PRKG1: variants seen among roughly 807,000 people sequenced by gnomAD.
The protein encoded by PRKG1 is cGMP-dependent protein kinase 1.
In PRKG1, 35 loss-of-function variants were observed where a neutral mutation model predicts 88.1. The observed-to-expected ratio is 0.40, with a 90% CI of 0.30 to 0.53. PRKG1 has a LOEUF of 0.53. PRKG1 is among the 20% of genes least tolerant of loss of function. The pLI, the probability that PRKG1 is intolerant of heterozygous loss-of-function variation, is 0.59. For missense variants in PRKG1, 540 were observed against 839.8 expected, an observed-to-expected ratio of 0.64 and a Z score of 4.41; for synonymous variants, 303 against 292.5, an observed-to-expected ratio of 1.04 and a Z score of -0.37.
At chr10:51,743,685 A>T (rs1837496312) in intron 3 of PRKG1, among the ~76,000 whole-genome samples, 1 of 129,854 alleles carries the variant, frequency 7.7e-6, no homozygotes, top group African/African-American at 3.0e-5. Flanking sequence ...TATATATATA[A>T]TTTATTATAT....
At chr10:51,945,373 G>A (rs1843002807) in intron 5 of PRKG1, among the ~76,000 whole-genome samples, 1 of 151,452 alleles carries the variant, frequency 6.6e-6, no homozygotes, top group Admixed American at 6.6e-5. Flanking sequence ...TGAGTTTCCT[G>A]AATACAGCAC....
intron 2 of PRKG1, among the ~76,000 whole-genome samples, chr10:51,403,012 A>T (rs1837796226): frequency 6.6e-6 from 1 of 152,206 alleles, no homozygotes; most frequent in African/African-American, 2.4e-5. Flanking sequence ...TTTGTCATGG[A>T]ATAGCACATT....
rs1433048297 is a variant in PRKG1, at chr10:51,205,127, C to CTTTCTTTTTTTTTTTTTTTTTTTTT, written c.478+51800_478+51801insCTTTTTTTTTTTTTTTTTTTTTTTT. 3.9e-3 allele frequency among the ~76,000 whole-genome samples: 247 copies of CTTTCTTTTTTTTTTTTTTTTTTTTT among 64,028 alleles called. 68 individuals are homozygous for CTTTCTTTTTTTTTTTTTTTTTTTTT. The highest frequency in any genetic ancestry group is 0.02 in the Middle Eastern group (2 of 100). The allele number at this position is 64,028 out of a possible 152,430, so 42.0% of individuals were successfully genotyped here. On this transcript the variant is annotated intron_variant, in intron 2 of 17. Coordinates refer to ENST00000373980, the MANE Select transcript of PRKG1 (RefSeq NM_006258.4). The stretch of plus-strand genomic sequence containing the variant: ...TAAGGAAGAATTTTCATTTTCTTTT[C>CTTTCTTTTTTTTTTTTTTTTTTTTT]TTTTTTTTTTTTTTTTTTTTTTTTT...
chr10:51,413,334 T>A (rs1281453226), intron 2 of PRKG1, among the ~76,000 whole-genome samples: 1 of 147,018 alleles, frequency 6.8e-6, no homozygotes, highest in South Asian at 2.3e-4. Context: ...CACCTTCTCT[T>A]AAAAAAAATG....
rs928092355 is a variant in PRKG1, at chr10:51,441,272, C to T, written c.479-26451C>T. On this transcript the variant is annotated intron_variant, in intron 2 of 17. Transcript: ENST00000373980. ...GTTTAGTCAGTTTTGCTCTTGTTCT[C>T]TCTGATAGGTGTATTGTGAACTTAT... is the stretch of plus-strand genomic sequence containing the variant. Among the ~76,000 whole-genome samples the T allele has an allele frequency of 2.6e-5, 4 of 152,056 alleles. No individual in the cohort carries two copies. In the East Asian group the frequency reaches 5.8e-4, roughly 22 times the overall value.
chr10:51,389,488 C>T (rs1837342199), intron 2 of PRKG1, among the ~76,000 whole-genome samples: 1 of 152,118 alleles, frequency 6.6e-6, no homozygotes. Flanking sequence ...CATGCCGCCA[C>T]AGCTGTACAG....
At chr10:51,338,286 G>A (rs114456886) in intron 2 of PRKG1, among the ~76,000 whole-genome samples, 3,355 of 152,244 alleles carry the variant, frequency 0.022, 39 homozygotes, top group Middle Eastern at 0.058. Context: ...GTGATGGGTT[G>A]ATGAAAATGA....
chr10:51,744,439 A>G (rs901097422), intron 3 of PRKG1, among the ~76,000 whole-genome samples: 1 of 152,158 alleles, frequency 6.6e-6, no homozygotes, highest in Non-Finnish European at 1.5e-5. Flanking sequence ...GAGGCTGAAG[A>G]GAGGAACCAC....
intron 3 of PRKG1, among the ~76,000 whole-genome samples, chr10:51,766,103 CA>C (rs1243848585): frequency 2.6e-5 from 4 of 151,620 alleles, no homozygotes; most frequent in African/African-American, 9.7e-5. Context: ...GTCTCATGGC[CA>C]AAAAAATTAA....
At chr10:51,076,399 CCTGA>C (rs1248357573) in intron 1 of PRKG1, among the ~76,000 whole-genome samples, 1 of 152,172 alleles carries the variant, frequency 6.6e-6, no homozygotes, top group Non-Finnish European at 1.5e-5. Context: ...TCCTGACATG[CCTGA>C]CTGTTTTAGC....
intron 7 of PRKG1, among the ~76,000 whole-genome samples, chr10:52,132,350 AT>A (rs143568912): frequency 0.33 from 50,406 of 151,928 alleles, 8,686 homozygotes; most frequent in African/African-American, 0.42. Context: ...TTTCTCAAAA[AT>A]AATAAATGCT....
chr10:51,426,637 A>G (rs1325895270), intron 2 of PRKG1, among the ~76,000 whole-genome samples: 2 of 152,154 alleles, frequency 1.3e-5, no homozygotes, highest in Non-Finnish European at 2.9e-5. Context: ...ACAAAAATAG[A>G]TGCAGAATAC....
intron 1 of PRKG1, among the ~76,000 whole-genome samples, chr10:51,116,100 C>T (rs190215271): frequency 7.2e-5 from 11 of 152,096 alleles, no homozygotes; most frequent in Admixed American, 2.6e-4. Flanking sequence ...CTCTGCCAGT[C>T]GGTAACTAAT....
intron 7 of PRKG1, among the ~76,000 whole-genome samples, chr10:52,100,323 T>C (rs1847267597): frequency 6.6e-6 from 1 of 152,244 alleles, no homozygotes; most frequent in South Asian, 2.1e-4. Context: ...AGTGTTTGAC[T>C]AGTTTTCCAG....
chr10:51,879,465 A>G (rs574222842), intron 4 of PRKG1, among the ~76,000 whole-genome samples: 86 of 152,334 alleles, frequency 5.6e-4, no homozygotes, highest in African/African-American at 2.0e-3. Context: ...AGACAGAAGT[A>G]TAAAGTGCTG....
intron 8 of PRKG1, among the ~76,000 whole-genome samples, chr10:52,135,184 G>A (rs1837374168): frequency 6.6e-6 from 1 of 152,078 alleles, no homozygotes; most frequent in African/African-American, 2.4e-5. Flanking sequence ...AAGAGTCGGG[G>A]AGGTGTTAAA....
rs1474960081 is a variant in PRKG1, at chr10:52,278,834, C to T, written c.1404-1955C>T. Among the ~76,000 whole-genome samples the T allele has an allele frequency of 1.3e-5, 2 of 149,776 alleles. 1 individual carries two copies. Among genetic ancestry groups the T allele is most frequent in the African/African-American group, 4.9e-5 (2 of 40,442 alleles). ...AGGAGGATCACTTGAACCCAGGAGG[C>T]TGAGGTTGCAGTGAACCGAGATTGC... On this transcript the variant is annotated intron_variant, in intron 12 of 17. Transcript: ENST00000373980.
intron 3 of PRKG1, among the ~76,000 whole-genome samples, chr10:51,680,914 T>A (rs962098989): frequency 2.6e-5 from 4 of 152,228 alleles, no homozygotes; most frequent in Non-Finnish European, 5.9e-5. Flanking sequence ...AATGAGCTAG[T>A]TGTGCTTTTA....
chr10:51,544,803 C>G (rs1484648662), intron 3 of PRKG1, among the ~76,000 whole-genome samples: 1 of 151,938 alleles, frequency 6.6e-6, no homozygotes, highest in Non-Finnish European at 1.5e-5. Flanking sequence ...GGCTAATATC[C>G]AGAATCTACC....
Sources: gnomAD v4.1 joint callset for allele counts (sites outside exome capture counted in the v4.1 genomes callset) on GRCh38, gnomAD v4.1.1 for gene constraint, MANE v1.5 for transcripts, NCBI Gene and HGNC (gene_info 2026-07-23, HGNC 2026-07-21) for gene names.